Variants in PRR5L observed in about 807,000 individuals in gnomAD.
PRR5L encodes proline rich 5 like.
A neutral mutation model predicts 36.4 loss-of-function variants in PRR5L; 21 were observed. The ratio of observed to expected loss-of-function variants is 0.58; its 90% CI spans 0.41 to 0.83. The LOEUF is 0.83. PRR5L is among the 40% of genes least tolerant of loss of function. PRR5L has a pLI of 0.00. For synonymous variants in PRR5L, 188 were observed against 197.0 expected (o/e 0.95, Z 0.38); for missense variants, 381 against 473.3 (o/e 0.80, Z 1.81).
intron 1 of PRR5L, among the ~76,000 whole-genome samples, chr11:36,372,805 A>C (rs1337711185): frequency 6.6e-6 from 1 of 152,188 alleles, no homozygotes; most frequent in Non-Finnish European, 1.5e-5. Context: ...TTTTTGCATG[A>C]CGTTTTCTAA....
Position 36,462,594 on chromosome 11 carries a change from G to T in PRR5L, c.965G>T (p.Cys322Phe), listed in dbSNP as rs370148804. Residue 322 changes from cysteine to phenylalanine, a missense_variant, in exon 9 of 9, where the codon TGC (cysteine) becomes TTC (phenylalanine). By Grantham distance (205) the Cys-to-Phe change is radical. Coordinates refer to ENST00000530639, the MANE Select transcript of PRR5L (RefSeq NM_001160167.2). ...LGEEASSENKCLLLPPSFPPP... is the reference protein window; with the variant it reads ...LGEEASSENKFLLLPPSFPPP... ...GAGGAGGCCAGCAGTGAGAACAAGT[G>T]CCTGCTCCTGCCACCCAGCTTCCCC... 3 of 1,612,728 alleles carry T rather than the reference G, an allele frequency of 1.9e-6. No homozygotes were observed. Among genetic ancestry groups the T allele is most frequent in the African/African-American group, 2.7e-5 (2 of 74,928 alleles).
chr11:36,431,822 A>G lies in PRR5L; in HGVS notation c.295-31A>G, dbSNP rs897439137. 5.6e-6 allele frequency: 9 copies of G among 1,611,090 alleles called. No individual in the cohort carries two copies. In the East Asian group the frequency reaches 6.7e-5, roughly 12 times the overall value. Reference sequence around the variant, plus strand: ...ATCACTTACGCTCTGGAGTTGTCCAAATTCTTATGTTCTTTGTTCTCTTTT... The same window carrying G: ...ATCACTTACGCTCTGGAGTTGTCCAGATTCTTATGTTCTTTGTTCTCTTTT... On this transcript the variant is annotated intron_variant, in intron 4 of 8. Coordinates refer to ENST00000530639, the MANE Select transcript of PRR5L (RefSeq NM_001160167.2).
rs1857843887 is a variant in PRR5L, at chr11:36,403,471, T to TTG, written c.245+94_245+95insGT. 10 of 936,090 alleles carry TTG rather than the reference T, an allele frequency of 1.1e-5. No homozygotes were observed. The South Asian group carries it at 1.4e-4, about 13-fold the overall frequency. 58.0% of individuals were successfully genotyped at this position (936,090 alleles called of 1,614,324 possible). ...CCTTAGGAGCCTTAAGGGTTTTTTT[T>TTG]TTTTTTTTCCTGCTTGATTCTTATT... On this transcript the variant is annotated intron_variant, in intron 3 of 8. Coordinates refer to ENST00000530639, the MANE Select transcript of PRR5L (RefSeq NM_001160167.2).
chr11:36,306,117 A>C (rs1856428682), intron 1 of PRR5L, among the ~76,000 whole-genome samples: 1 of 151,902 alleles, frequency 6.6e-6, no homozygotes, highest in African/African-American at 2.4e-5. Flanking sequence ...TAATTATTAC[A>C]CTTTAAGTTC....
At chr11:36,319,410 C>A (rs907853619) in intron 1 of PRR5L, among the ~76,000 whole-genome samples, 1 of 152,230 alleles carries the variant, frequency 6.6e-6, no homozygotes, top group Admixed American at 6.5e-5. Context: ...CTTGATCTAG[C>A]GGCACCTGAC....
At chr11:36,351,771 ATATATTTATATAT>A (rs1856976869) in intron 1 of PRR5L, among the ~76,000 whole-genome samples, 1 of 37,374 alleles carries the variant, frequency 2.7e-5, no homozygotes, top group African/African-American at 1.1e-4. Context: ...ATATATTTAT[ATATATTTATATAT>A]TTTTTTTATA....
At chr11:36,329,875 G>T (rs972640922) in intron 1 of PRR5L, among the ~76,000 whole-genome samples, 1 of 152,158 alleles carries the variant, frequency 6.6e-6, no homozygotes, top group Non-Finnish European at 1.5e-5. Context: ...CATCTGTAAG[G>T]CTGGGAACCC....
At chr11:36,462,144 G>T (rs763217421) in intron 8 of PRR5L, among the ~76,000 whole-genome samples, 198 bp from the exon 9 acceptor site, 38 of 152,276 alleles carry the variant, frequency 2.5e-4, no homozygotes, top group Middle Eastern at 3.4e-3. Context: ...TTACAGGCAG[G>T]ATCTGGCATA....
At chr11:36,335,115 C>A (rs1160094851) in intron 1 of PRR5L, among the ~76,000 whole-genome samples, 6 of 151,840 alleles carry the variant, frequency 4.0e-5, no homozygotes, top group South Asian at 2.1e-4. Flanking sequence ...AAGACAGAGT[C>A]TTACTCTGTG....
At chr11:36,345,967 C>T (rs759797823) in intron 1 of PRR5L, among the ~76,000 whole-genome samples, 6 of 152,192 alleles carry the variant, frequency 3.9e-5, no homozygotes, top group Non-Finnish European at 7.4e-5. Flanking sequence ...CTTATTGACA[C>T]AGTGAGAGCG....
At position 36,448,987 on chromosome 11, in the gene PRR5L, C is replaced by T. The variant is rs116531597; in HGVS notation, c.586-2222C>T. ...TGCAGTCTCCCAGGGTACTTGGAAA[C>T]GCCCCACAGGCATCCTACAGACCAT... On this transcript the variant is annotated intron_variant, in intron 7 of 8. Transcript: ENST00000530639. Among the ~76,000 whole-genome samples, 882 of 152,344 alleles carry T rather than the reference C, an allele frequency of 5.8e-3. 10 individuals are homozygous for T. The highest frequency in any genetic ancestry group is 0.02 in the African/African-American group (820 of 41,576).
intron 8 of PRR5L, chr11:36,454,865 C>T (rs552282866): frequency 1.3e-5 from 2 of 152,356 alleles, no homozygotes; most frequent in Admixed American, 6.5e-5. Flanking sequence ...GAGAACGTGC[C>T]GCTCTCTCCA....
intron 1 of PRR5L, chr11:36,376,726 T>A (rs1857269365): frequency 1.0e-6 from 1 of 983,724 alleles, no homozygotes; most frequent in Non-Finnish European, 1.2e-6. Flanking sequence ...GTGGGGGGCG[T>A]CTCTGGGAGG....
chr11:36,456,219 C>A (rs1033001293), intron 8 of PRR5L, among the ~76,000 whole-genome samples: 6 of 152,152 alleles, frequency 3.9e-5, no homozygotes, highest in Non-Finnish European at 8.8e-5. Context: ...TATGGACGCC[C>A]AGCTAAAGGT....
chr11:36,339,969 A>G (rs1388002704), intron 1 of PRR5L, among the ~76,000 whole-genome samples: 2 of 151,832 alleles, frequency 1.3e-5, no homozygotes, highest in African/African-American at 2.4e-5. Flanking sequence ...ACTGCACCCA[A>G]CTTCTTCTCT....
intron 1 of PRR5L, among the ~76,000 whole-genome samples, chr11:36,361,038 C>T (rs947234563): frequency 9.2e-5 from 14 of 152,210 alleles, no homozygotes; most frequent in Non-Finnish European, 2.1e-4. Context: ...GGACAAGAAA[C>T]AGCACTTTCA....
intron 1 of PRR5L, among the ~76,000 whole-genome samples, chr11:36,332,076 G>A (rs572324071): frequency 2.9e-4 from 44 of 152,028 alleles, no homozygotes; most frequent in Non-Finnish European, 5.9e-4. Context: ...TCTAGTTCTT[G>A]GCTTTAGACG....
chr11:36,348,686 T>A (rs1856892122), intron 1 of PRR5L, among the ~76,000 whole-genome samples: 1 of 152,160 alleles, frequency 6.6e-6, no homozygotes, highest in African/African-American at 2.4e-5. Flanking sequence ...TTTAAAAAAA[T>A]TATTTTAGAA....
chr11:36,322,677 C>A (rs1856624052), intron 1 of PRR5L, among the ~76,000 whole-genome samples: 1 of 152,196 alleles, frequency 6.6e-6, no homozygotes, highest in Admixed American at 6.5e-5. Context: ...GGGCTAGGCA[C>A]ATAACCTGAG....
Sources: allele counts gnomAD v4.1 joint callset (sites outside exome capture counted in the v4.1 genomes callset), GRCh38; gene constraint gnomAD v4.1.1; transcripts MANE v1.5; gene names NCBI Gene and HGNC (gene_info 2026-07-23, HGNC 2026-07-21).